DYSF: variants seen among roughly 807,000 people sequenced by gnomAD.
The protein encoded by DYSF is dystrophy-associated fer-1-like 1.
In DYSF, 212 loss-of-function variants were observed where a neutral mutation model predicts 274.9. The observed-to-expected ratio is 0.77, with a 90% confidence interval of 0.69 to 0.86. The LOEUF is 0.86. Among genes scored for constraint, DYSF ranks in the 40% least tolerant of loss-of-function variants. The pLI is 0.00. For synonymous variants in DYSF, 1,091 were observed against 1,078.7 expected (o/e 1.01, Z -0.22); for missense variants, 2,666 against 2,783.2 (o/e 0.96, Z 0.95).
At chr2:71,530,954 T>A (rs543910687) in intron 14 of DYSF, among the ~76,000 whole-genome samples, 1 of 152,158 alleles carries the variant, frequency 6.6e-6, no homozygotes, top group African/African-American at 2.4e-5. Context: ...GAACCATACT[T>A]GATTTGGCCA....
At chr2:71,558,227 G>A (rs1171928087) in intron 22 of DYSF, among the ~76,000 whole-genome samples, 4 of 152,144 alleles carry the variant, frequency 2.6e-5, no homozygotes, top group African/African-American at 9.7e-5. Context: ...TCCTGGCCAG[G>A]GGGGCTAGGT....
At chr2:71,591,153 T>C (rs1282865674) in intron 32 of DYSF, among the ~76,000 whole-genome samples, 1 of 152,242 alleles carries the variant, frequency 6.6e-6, no homozygotes, top group Non-Finnish European at 1.5e-5. Context: ...ACGTTGCCCA[T>C]GTCTGGCCTT....
At chr2:71,680,943 C>A in intron 53 of DYSF, 58 bp from the exon 54 acceptor site, 1 of 1,473,258 alleles carries the variant, frequency 6.8e-7, no homozygotes, top group Non-Finnish European at 9.5e-7. Flanking sequence ...CCTGGTTACT[C>A]TCCAGGCCAC....
intron 36 of DYSF, among the ~76,000 whole-genome samples, chr2:71,606,230 G>C (rs949671880): frequency 6.6e-6 from 1 of 152,176 alleles, no homozygotes; most frequent in Non-Finnish European, 1.5e-5. Context: ...TGGTAGGGGA[G>C]AGAGCTTCAC....
intron 3 of DYSF, among the ~76,000 whole-genome samples, chr2:71,488,036 T>C (rs1463588692): frequency 2.6e-5 from 4 of 152,076 alleles, no homozygotes; most frequent in Admixed American, 6.6e-5. Flanking sequence ...AAGTTGGACT[T>C]AGTGGAAATA....
At chr2:71,618,350 GGTGT>G (rs1186491525) in intron 40 of DYSF, among the ~76,000 whole-genome samples, 1 of 5,144 alleles carries the variant, frequency 1.9e-4, no homozygotes, top group African/African-American at 6.5e-4. Flanking sequence ...GTGGTAGAGG[GGTGT>G]GTGTGTGGTA....
At chr2:71,619,011 G>T (rs1411960530) in intron 40 of DYSF, among the ~76,000 whole-genome samples, 3 of 151,974 alleles carry the variant, frequency 2.0e-5, no homozygotes, top group Admixed American at 1.3e-4. Context: ...TCCCAGAACC[G>T]GAGTGGCAAA....
chr2:71,548,959 G>A (rs565111848), intron 17 of DYSF, among the ~76,000 whole-genome samples: 9 of 152,284 alleles, frequency 5.9e-5, no homozygotes, highest in Admixed American at 1.3e-4. Context: ...CCACCCTCCC[G>A]TTGTGTCTGT....
intron 22 of DYSF, among the ~76,000 whole-genome samples, chr2:71,558,345 C>T (rs1282292331): frequency 6.6e-6 from 1 of 152,142 alleles, no homozygotes; most frequent in Non-Finnish European, 1.5e-5. Context: ...GGAAGCTGGC[C>T]TGTGGTCTGG....
chr2:71,682,135 C>G (rs113858711), intron 54 of DYSF, among the ~76,000 whole-genome samples: 2 of 152,210 alleles, frequency 1.3e-5, no homozygotes, highest in African/African-American at 4.8e-5. Flanking sequence ...GGGCAGGTGT[C>G]TTGGCTTATC....
chr2:71,514,060 T>G, intron 7 of DYSF, 139 bp downstream of exon 7: 1 of 1,013,218 alleles, frequency 9.9e-7, no homozygotes, highest in Non-Finnish European at 1.5e-6. Context: ...AATCTGTAGT[T>G]TCCCTGGGCC....
At chr2:71,577,721 C>T (rs923561081) in intron 30 of DYSF, among the ~76,000 whole-genome samples, 2 of 152,174 alleles carry the variant, frequency 1.3e-5, no homozygotes, top group African/African-American at 4.8e-5. Flanking sequence ...ACGTTTCCGT[C>T]TTCCTGCTGG....
chr2:71,474,151 C>T (rs929718387), intron 1 of DYSF, among the ~76,000 whole-genome samples: 24 of 152,100 alleles, frequency 1.6e-4, no homozygotes, highest in African/African-American at 5.3e-4. Context: ...GTCTGGAACT[C>T]CTGACCTCAG....
chr2:71,619,515 C>T (rs949202292), intron 40 of DYSF, among the ~76,000 whole-genome samples: 2 of 152,170 alleles, frequency 1.3e-5, no homozygotes, highest in Non-Finnish European at 2.9e-5. Flanking sequence ...CTTCCAGGAT[C>T]TTCCTGTTGA....
chr2:71,648,684 A>G (rs1336812331), intron 42 of DYSF, among the ~76,000 whole-genome samples: 2 of 152,248 alleles, frequency 1.3e-5, no homozygotes, highest in East Asian at 3.8e-4. Flanking sequence ...ATTCTAATAT[A>G]ATTACTGTAC....
chr2:71,544,541 C>T (rs1559122460), intron 17 of DYSF, among the ~76,000 whole-genome samples: 1 of 148,398 alleles, frequency 6.7e-6, no homozygotes, highest in African/African-American at 2.5e-5. Context: ...CTCACTGCAA[C>T]CTCTGCCTCC....
rs779321489 is a variant in DYSF, at chr2:71,513,840, G to A, written c.678G>A (p.Pro226=). The change falls in exon 7 of 56, where the codon CCG becomes CCA. Residue 226 remains proline, a synonymous_variant. Transcript: ENST00000410020. Reference sequence around the variant, plus strand: ...CAAGGAAACTACCTTCACGTCCTCCGCCCCACTACCCCGGGATCAAAAGAA... The same window carrying A: ...CAAGGAAACTACCTTCACGTCCTCCACCCCACTACCCCGGGATCAAAAGAA... The part of the protein sequence containing the change: ...TTPRKLPSRP[P]PHYPGIKRKR... 4.3e-6 allele frequency: 7 copies of A among 1,614,034 alleles called. No homozygotes were observed. Among genetic ancestry groups the A allele is most frequent in the East Asian group, 4.5e-5 (2 of 44,872 alleles).
intron 17 of DYSF, among the ~76,000 whole-genome samples, chr2:71,543,783 G>A (rs956689354): frequency 6.6e-6 from 1 of 152,198 alleles, no homozygotes; most frequent in Admixed American, 6.5e-5. Flanking sequence ...AATCAGGCAC[G>A]GAGGTTGCAG....
At chr2:71,497,845 C>A (rs1025401118) in intron 3 of DYSF, among the ~76,000 whole-genome samples, 1 of 152,110 alleles carries the variant, frequency 6.6e-6, no homozygotes, top group South Asian at 2.1e-4. Flanking sequence ...TACATGTGAG[C>A]GTGCATTCTT....
Sources: allele counts gnomAD v4.1 joint callset (sites outside exome capture counted in the v4.1 genomes callset), GRCh38; gene constraint gnomAD v4.1.1; transcripts MANE v1.5; gene names NCBI Gene and HGNC (gene_info 2026-07-23, HGNC 2026-07-21).